Variants in DPP4 observed in about 807,000 individuals in gnomAD.
DPP4 encodes the protein ADCP-2.
DPP4 carries 93 observed loss-of-function variants against 122.4 expected under a neutral mutation model. The ratio of observed to expected loss-of-function variants is 0.76; its 90% CI spans 0.64 to 0.90. The LOEUF is 0.90. Among genes scored for constraint, DPP4 ranks in the 40% least tolerant of loss-of-function variants. The pLI is 0.00. For missense variants in DPP4, 914 were observed against 907.3 expected, an observed-to-expected ratio of 1.01 and a Z score of -0.09; for synonymous variants, 321 against 302.9, an observed-to-expected ratio of 1.06 and a Z score of -0.62.
intron 23 of DPP4, among the ~76,000 whole-genome samples, chr2:161,997,002 G>C (rs553149379): frequency 6.6e-6 from 1 of 152,284 alleles, no homozygotes; most frequent in African/African-American, 2.4e-5. Context: ...ATGCTGATGT[G>C]AGAATTCTTT....
In DPP4 at chr2:162,020,634, T is replaced by G; in HGVS notation, c.1123A>C (p.Ile375Leu). 1 of 1,613,110 alleles carries G rather than the reference T, an allele frequency of 6.2e-7. No homozygotes were observed. Among genetic ancestry groups the G allele is most frequent in the Non-Finnish European group, 8.5e-7 (1 of 1,179,752 alleles). Residue 375 changes from isoleucine (I) to leucine (L), a missense_variant, in exon 13 of 26, where the codon ATC becomes CTC. Ile to Leu is a conservative substitution (Grantham distance 5). Transcript: ENST00000360534. Reference protein sequence around the residue: ...TLDGNSFYKIISNEEGYRHIC... With the variant: ...TLDGNSFYKILSNEEGYRHIC... ...TGTCTGTAACCTTCTTCATTGCTGA[T>G]GATCTTGTAGAAGCTATTACCATCA...
rs528736494 is a variant in DPP4, at chr2:162,028,641, C to T, written c.888-3702G>A. ...AGCCAGCAAGCTCTTCTACCTTCTG[C>T]AGCTGGATTAGTCCAACGGGAATAT... On this transcript the variant is annotated intron_variant, in intron 10 of 25. Coordinates refer to ENST00000360534, the MANE Select transcript of DPP4 (RefSeq NM_001935.4). 3.9e-5 allele frequency among the ~76,000 whole-genome samples: 6 copies of T among 152,314 alleles called. 1 individual carries two copies. The East Asian group carries it at 5.8e-4, about 15-fold the overall frequency.
intron 23 of DPP4, among the ~76,000 whole-genome samples, chr2:162,002,634 G>A (rs903746196): frequency 6.6e-6 from 1 of 151,894 alleles, no homozygotes; most frequent in South Asian, 2.1e-4. Flanking sequence ...TTTCAAAAAG[G>A]ATGTGAGGAA....
chr2:161,993,417 G>A, intron 25 of DPP4, 33 bp from the exon 26 acceptor site: 4 of 1,487,160 alleles, frequency 2.7e-6, no homozygotes, highest in South Asian at 1.1e-5. Flanking sequence ...TTAGAATTAG[G>A]AAGTCAGTAC....
At chr2:162,002,948 G>T (rs1701188579) in intron 23 of DPP4, among the ~76,000 whole-genome samples, 1 of 152,286 alleles carries the variant, frequency 6.6e-6, no homozygotes, top group Admixed American at 6.5e-5. Flanking sequence ...TACCACGGTG[G>T]AGACAATTCA....
chr2:162,060,680 C>T (rs769975674), intron 2 of DPP4, among the ~76,000 whole-genome samples: 7 of 152,174 alleles, frequency 4.6e-5, no homozygotes, highest in Non-Finnish European at 7.3e-5. Context: ...TTCTACCAAG[C>T]TCATCAGTTC....
intron 23 of DPP4, among the ~76,000 whole-genome samples, chr2:162,005,319 C>T (rs962199597): frequency 1.3e-5 from 2 of 152,106 alleles, no homozygotes; most frequent in African/African-American, 4.8e-5. Context: ...TGAAAAAAAA[C>T]TGTACATAAT....
intron 5 of DPP4, among the ~76,000 whole-genome samples, chr2:162,044,269 G>A (rs1427064260): frequency 6.6e-6 from 1 of 152,146 alleles, no homozygotes. Flanking sequence ...ACAGAACATA[G>A]AGTCTTCATG....
At chr2:162,014,509 T>C in intron 18 of DPP4, 44 bp from the exon 19 acceptor site, 1 of 1,443,116 alleles carries the variant, frequency 6.9e-7, no homozygotes. Flanking sequence ...GAAAAATTAT[T>C]AGCACAAGAT....
chr2:162,046,804 T>A (rs1252956126), intron 4 of DPP4, 111 bp downstream of exon 4: 1 of 762,802 alleles, frequency 1.3e-6, no homozygotes, highest in Admixed American at 2.0e-5. Context: ...CTTTGCCATA[T>A]GCTGCAGAAA....
In DPP4 at chr2:162,030,358, C is replaced by T. The variant is rs1424770879; in HGVS notation, c.887+3183G>A. Reference sequence around the variant, plus strand: ...TCACTTATCAGAGAAGCAGGGCTTCCACCCATTTCTGCTAATTCCTAACAA... The same window carrying T: ...TCACTTATCAGAGAAGCAGGGCTTCTACCCATTTCTGCTAATTCCTAACAA... On this transcript the variant is annotated intron_variant, in intron 10 of 25. Transcript: ENST00000360534. Among the ~76,000 whole-genome samples the T allele has an allele frequency of 3.9e-5, 6 of 152,208 alleles. No individual in the cohort carries two copies. In the South Asian group the frequency reaches 1.0e-3, roughly 26 times the overall value.
chr2:162,058,951 T>G (rs1684667183), intron 2 of DPP4, among the ~76,000 whole-genome samples: 2 of 152,228 alleles, frequency 1.3e-5, no homozygotes, highest in Non-Finnish European at 2.9e-5. Context: ...ATGTTGAGAC[T>G]GAAACTCCAA....
intron 10 of DPP4, among the ~76,000 whole-genome samples, chr2:162,032,486 A>G (rs1241389560): frequency 1.3e-5 from 2 of 152,102 alleles, no homozygotes; most frequent in Non-Finnish European, 2.9e-5. Context: ...GGAGTTCGAG[A>G]CCAGCCTGAC....
intron 21 of DPP4, 49 bp downstream of exon 21, chr2:162,009,192 A>G (rs768761313): frequency 6.4e-7 from 1 of 1,569,852 alleles, no homozygotes; most frequent in East Asian, 2.2e-5. Flanking sequence ...ACCTGCTCTG[A>G]GTGATATTCA....
chr2:161,995,158 GC>G, intron 24 of DPP4, 124 bp from the exon 25 acceptor site: 1 of 1,315,066 alleles, frequency 7.6e-7, no homozygotes, highest in Non-Finnish European at 1.1e-6. Flanking sequence ...ATCCCATTTA[GC>G]CCAAGACAAG....
chr2:162,060,069 A>G (rs1684711660), intron 2 of DPP4, among the ~76,000 whole-genome samples: 2 of 152,210 alleles, frequency 1.3e-5, no homozygotes, highest in Non-Finnish European at 2.9e-5. Flanking sequence ...CCACATTTGG[A>G]CCAGGCAATA....
At chr2:162,012,612 C>T (rs771476161) in intron 19 of DPP4, among the ~76,000 whole-genome samples, 7 of 152,180 alleles carry the variant, frequency 4.6e-5, no homozygotes, top group Non-Finnish European at 8.8e-5. Flanking sequence ...AAGTTTAACT[C>T]CCTTGTATCT....
intron 12 of DPP4, among the ~76,000 whole-genome samples, chr2:162,021,810 G>A (rs1683138270): frequency 6.6e-6 from 1 of 152,108 alleles, no homozygotes; most frequent in Admixed American, 6.5e-5. Context: ...TCAAAGAGTC[G>A]TGAGGAAGTG....
chr2:162,039,281 T>C (rs541807787), intron 5 of DPP4, 97 bp from the exon 6 acceptor site: 2 of 1,005,788 alleles, frequency 2.0e-6, no homozygotes, highest in Admixed American at 4.4e-5. Flanking sequence ...AATATATGAT[T>C]GTATAATTCT....
Sources: gnomAD v4.1 joint callset for allele counts (sites outside exome capture counted in the v4.1 genomes callset) on GRCh38, gnomAD v4.1.1 for gene constraint, MANE v1.5 for transcripts, NCBI Gene and HGNC (gene_info 2026-07-23, HGNC 2026-07-21) for gene names.